Variants in EPHA7 observed in about 807,000 individuals in gnomAD.
The protein encoded by EPHA7 is EPH receptor A7, also known as ephrin type-A receptor 7.
EPHA7 carries 25 observed loss-of-function variants against 112.6 expected under a neutral mutation model. The observed-to-expected ratio is 0.22, with a 90% CI of 0.16 to 0.31. EPHA7 has a LOEUF of 0.31. Ranked by LOEUF, EPHA7 falls within the 10% of genes least tolerant of loss-of-function variation. The pLI, the probability that EPHA7 is intolerant of heterozygous loss-of-function variation, is 1.00. For missense variants in EPHA7, 962 were observed against 1,212.6 expected (o/e 0.79, Z 3.07); for synonymous variants, 437 against 406.5 (o/e 1.07, Z -0.90).
chr6:93,250,133 CATTAAT>C (rs1465931544), intron 14 of EPHA7, among the ~76,000 whole-genome samples: 1 of 152,058 alleles, frequency 6.6e-6, no homozygotes, highest in Non-Finnish European at 1.5e-5. Context: ...TTAATAATCT[CATTAAT>C]AGTCACATCC....
chr6:93,240,522 C>A lies in EPHA7; in HGVS notation c.*2904G>T. The A allele has an allele frequency of 4.5e-6, 1 of 219,794 alleles. No homozygotes were observed. The highest frequency in any genetic ancestry group is 6.7e-5 in the East Asian group (1 of 14,976). 13.6% of individuals were successfully genotyped at this position (219,794 alleles called of 1,614,324 possible). ...AGCATAAACCACCAGTTCTAGTAAACAAGGACCAGATCAATTGCTGAGAAA... is the reference window on the plus strand; with the variant it reads ...AGCATAAACCACCAGTTCTAGTAAAAAAGGACCAGATCAATTGCTGAGAAA... On this transcript the variant is annotated 3_prime_UTR_variant, in exon 17 of 17. Coordinates refer to ENST00000369303, the MANE Select transcript of EPHA7 (RefSeq NM_004440.4).
chr6:93,327,892 G>A (rs1040425993), intron 5 of EPHA7, among the ~76,000 whole-genome samples: 22 of 151,512 alleles, frequency 1.5e-4, no homozygotes, highest in East Asian at 3.9e-4. Context: ...TCATTCTTCC[G>A]TTTAAATCCC....
chr6:93,269,493 T>A lies in EPHA7; in HGVS notation c.1617A>T (p.Thr539=). ...CATAATTACCTTCAAACATTTTACC[T>A]GTAGCTTCCTCTAGTGTAGCAACAT... ...RLDVATLEEA[T]GKMFEATAVS... Residue 539 remains threonine, a synonymous_variant, in exon 7 of 17, where the codon ACA becomes ACT. Coordinates refer to ENST00000369303, the MANE Select transcript of EPHA7 (RefSeq NM_004440.4). 1 of 1,610,764 alleles carries A rather than the reference T, an allele frequency of 6.2e-7. No individual in the cohort carries two copies. Among genetic ancestry groups the A allele is most frequent in the Non-Finnish European group, 8.5e-7 (1 of 1,177,916 alleles).
In EPHA7 at chr6:93,242,171, C is replaced by T; in HGVS notation, c.*1255G>A. 5.2e-6 allele frequency: 1 copy of T among 194,138 alleles called. No individual in the cohort carries two copies. Among genetic ancestry groups the T allele is most frequent in the Non-Finnish European group, 1.1e-5 (1 of 92,876 alleles). The allele number at this position is 194,138 out of a possible 1,614,324, so 12.0% of individuals were successfully genotyped here. A position where few individuals can be genotyped will look rare whatever the true frequency, so the allele number is the denominator to read the frequency against. On this transcript the variant is annotated 3_prime_UTR_variant, in exon 17 of 17. Transcript: ENST00000369303. ...TAATAAATAAAGCTTTAAAAACAAG[C>T]CAGATCCTTCACCTCTTCCTTCTAG...
chr6:93,280,799 C>T (rs1000885006), intron 5 of EPHA7, among the ~76,000 whole-genome samples: 9 of 151,976 alleles, frequency 5.9e-5, no homozygotes, highest in African/African-American at 2.2e-4. Flanking sequence ...TCATTCCTAG[C>T]ATGTGGTAAG....
chr6:93,301,304 T>A (rs1297657357), intron 5 of EPHA7, among the ~76,000 whole-genome samples: 2 of 152,184 alleles, frequency 1.3e-5, no homozygotes, highest in East Asian at 3.9e-4. Context: ...AAATGTGTAA[T>A]GATCAAATAA....
At chr6:93,419,102 C>A in intron 1 of EPHA7, 143 bp downstream of exon 1, 1 of 582,846 alleles carries the variant, frequency 1.7e-6, no homozygotes, top group Non-Finnish European at 2.7e-6. Flanking sequence ...GGAGCGGCCT[C>A]AGCGGTGAGG....
rs1249288786 is a variant in EPHA7, at chr6:93,272,289, A to C, written c.1449+9T>G. 6.2e-7 allele frequency: 1 copy of C among 1,611,316 alleles called. No individual in the cohort carries two copies. The highest frequency in any genetic ancestry group is 1.1e-5 in the South Asian group (1 of 91,026). On this transcript the variant is annotated intron_variant, in intron 6 of 16. Coordinates refer to ENST00000369303, the MANE Select transcript of EPHA7 (RefSeq NM_004440.4). ...CACATTGTACATTTCAGTTGCTCTT[A>C]GCACTTACTTTCTCGTAATACTTGA...
intron 5 of EPHA7, among the ~76,000 whole-genome samples, chr6:93,345,163 A>G (rs1275688734): frequency 6.6e-6 from 1 of 151,732 alleles, no homozygotes; most frequent in Non-Finnish European, 1.5e-5. Context: ...TAAGAGTATT[A>G]GCAGTATTTG....
At chr6:93,399,837 C>G (rs1469344796) in intron 3 of EPHA7, among the ~76,000 whole-genome samples, 1 of 151,926 alleles carries the variant, frequency 6.6e-6, no homozygotes, top group African/African-American at 2.4e-5. Flanking sequence ...CATTAATGAA[C>G]TGTTGGAAGT....
chr6:93,286,904 T>C (rs768657187), intron 5 of EPHA7, among the ~76,000 whole-genome samples: 1 of 152,188 alleles, frequency 6.6e-6, no homozygotes, highest in Non-Finnish European at 1.5e-5. Flanking sequence ...AGAAGTCATT[T>C]ACTAGATGGC....
At chr6:93,268,292 T>C (rs551358107) in intron 7 of EPHA7, among the ~76,000 whole-genome samples, 124 of 151,744 alleles carry the variant, frequency 8.2e-4, no homozygotes, top group Non-Finnish European at 1.6e-3. Context: ...CTATAAGAGT[T>C]ACAGATTTAT....
At chr6:93,346,594 A>T (rs1775417542) in intron 5 of EPHA7, among the ~76,000 whole-genome samples, 1 of 151,790 alleles carries the variant, frequency 6.6e-6, no homozygotes, top group Non-Finnish European at 1.5e-5. Context: ...TATGATTTAT[A>T]ATTGTTTACT....
At chr6:93,263,413 A>G (rs1012809993) in intron 9 of EPHA7, among the ~76,000 whole-genome samples, 27 of 151,518 alleles carry the variant, frequency 1.8e-4, no homozygotes, top group Middle Eastern at 3.4e-3. Flanking sequence ...ATATCTATCA[A>G]TGATAGGTAA....
chr6:93,332,209 C>T (rs750387211), intron 5 of EPHA7, among the ~76,000 whole-genome samples: 1 of 151,396 alleles, frequency 6.6e-6, no homozygotes, highest in Admixed American at 6.6e-5. Context: ...CAGTGGAGCT[C>T]AGTGGACCCG....
Position 93,360,795 on chromosome 6 carries a change from T to C in EPHA7, c.833-2384A>G, listed in dbSNP as rs1188181833. Reference sequence around the variant, plus strand: ...AAACAGATTTAAAGCAAAAGTAACCTGAGTTCTTCCAATAATTCTGTTTGT... The same window carrying C: ...AAACAGATTTAAAGCAAAAGTAACCCGAGTTCTTCCAATAATTCTGTTTGT... On this transcript the variant is annotated intron_variant, in intron 3 of 16. Coordinates refer to ENST00000369303, the MANE Select transcript of EPHA7 (RefSeq NM_004440.4). 2.0e-5 allele frequency among the ~76,000 whole-genome samples: 3 copies of C among 152,206 alleles called. No homozygotes were observed. The East Asian group carries it at 5.8e-4, about 29-fold the overall frequency.
chr6:93,260,541 T>C (rs530231181), intron 9 of EPHA7: 1 of 960,254 alleles, frequency 1.0e-6, no homozygotes, highest in East Asian at 1.2e-4. Flanking sequence ...ATCTTACTAT[T>C]TGGAGAACAA....
intron 5 of EPHA7, among the ~76,000 whole-genome samples, chr6:93,272,659 T>C (rs138594875): frequency 1.2e-3 from 189 of 152,014 alleles, no homozygotes; most frequent in Non-Finnish European, 2.0e-3. Flanking sequence ...TTGTTCAAGT[T>C]AGTGAAAAAT....
rs1770362959 is a variant in EPHA7, at chr6:93,254,777, C to T, written c.2402G>A (p.Arg801Lys). 1 of 1,611,038 alleles carries T rather than the reference C, an allele frequency of 6.2e-7. No individual in the cohort carries two copies. The highest frequency in any genetic ancestry group is 1.1e-5 in the South Asian group (1 of 90,528). ...YTTTGGKIPV[R>K]WTAPEAIQYR... Reference sequence around the variant, plus strand: ...CTGGATGGCTTCGGGTGCTGTCCACCTTACTGGAATTTTTCCACCCTGTTA... The same window carrying T: ...CTGGATGGCTTCGGGTGCTGTCCACTTTACTGGAATTTTTCCACCCTGTTA... The change falls in exon 14 of 17, where the codon AGG becomes AAG. Residue 801 changes from arginine (R) to lysine (K), a missense_variant. Transcript: ENST00000369303.
Sources: gnomAD v4.1 joint callset for allele counts (sites outside exome capture counted in the v4.1 genomes callset) on GRCh38, gnomAD v4.1.1 for gene constraint, MANE v1.5 for transcripts, NCBI Gene and HGNC (gene_info 2026-07-23, HGNC 2026-07-21) for gene names.